KRT34: variants seen among roughly 807,000 people sequenced by gnomAD.
KRT34 encodes the protein keratin, type I cuticular Ha4.
Under a neutral mutation model 41.7 loss-of-function variants are expected in KRT34, and 31 were observed. That is an observed-to-expected ratio of 0.74 (90% CI 0.56 to 1.00). The LOEUF is 1.00. KRT34 is among the 50% of genes least tolerant of loss of function. The probability of loss-of-function intolerance (pLI) is 0.00; values close to 1 mark genes in which losing one functional copy is unlikely to be tolerated. For synonymous variants in KRT34, 224 were observed against 212.9 expected (o/e 1.05, Z -0.45); for missense variants, 523 against 500.3 (o/e 1.05, Z -0.43).
intron 3 of KRT34, 149 bp from the exon 4 acceptor site, chr17:41,379,880 A>C: frequency 1.2e-6 from 1 of 840,156 alleles, no homozygotes; most frequent in South Asian, 2.1e-5. Context: ...ATAGCAATAA[A>C]CTCCAACAGG....
chr17:41,381,188 C>A lies in KRT34; in HGVS notation c.456G>T (p.Arg152Ser). Residue 152 changes from arginine (R) to serine (S), a missense_variant, in exon 3 of 7, where the codon AGG becomes AGT. Coordinates refer to ENST00000394001, the MANE Select transcript of KRT34 (RefSeq NM_001386014.1). Reference sequence around the variant, plus strand: ...TGTTGATGTCCGACTCCACCAACAGCCTCAGGGACTGCTCCGTCTGGTACC... The same window carrying A: ...TGTTGATGTCCGACTCCACCAACAGACTCAGGGACTGCTCCGTCTGGTACC... ...RSKYQTEQSL[R>S]LLVESDINSI... The A allele has an allele frequency of 6.2e-7, 1 of 1,614,172 alleles. No homozygotes were observed. Among genetic ancestry groups the A allele is most frequent in the African/African-American group, 1.3e-5 (1 of 75,042 alleles).
In KRT34 at chr17:41,377,680, A is replaced by T. The variant is rs1233293545; in HGVS notation, c.*379T>A. On this transcript the variant is annotated 3_prime_UTR_variant, in exon 7 of 7. Transcript: ENST00000394001. ...ATGAGAAACATTTATTATGCCAGAGAAATGAAGTTTATTGGGAAGTAAATG... is the reference window on the plus strand; with the variant it reads ...ATGAGAAACATTTATTATGCCAGAGTAATGAAGTTTATTGGGAAGTAAATG... 4.7e-6 allele frequency: 1 copy of T among 210,922 alleles called. No individual in the cohort carries two copies. 13.1% of individuals were successfully genotyped at this position (210,922 alleles called of 1,614,324 possible).
At chr17:41,378,558 A>C (rs1380084018) in intron 6 of KRT34, among the ~76,000 whole-genome samples, 1 of 152,160 alleles carries the variant, frequency 6.6e-6, no homozygotes, top group South Asian at 2.1e-4. Context: ...CCCAAAGTGG[A>C]TTATAGGCAT....
chr17:41,381,320 G>T, intron 2 of KRT34, 108 bp from the exon 3 acceptor site: 3 of 1,190,214 alleles, frequency 2.5e-6, no homozygotes, highest in Non-Finnish European at 2.4e-6. Context: ...ACAGTTTTCT[G>T]CCTCTTCTCT....
chr17:41,381,863 G>C, intron 1 of KRT34, 36 bp downstream of exon 1: 2 of 1,612,970 alleles, frequency 1.2e-6, no homozygotes, highest in Non-Finnish European at 8.5e-7. Context: ...AAGAGAGCCA[G>C]CTGCTGCTGG....
intron 2 of KRT34, among the ~76,000 whole-genome samples, 183 bp downstream of exon 2, chr17:41,381,530 C>CA (rs1278362022): frequency 5.9e-5 from 9 of 151,864 alleles, no homozygotes; most frequent in Non-Finnish European, 1.2e-4. Flanking sequence ...GAAACACTTC[C>CA]AAAAAAAACC....
intron 6 of KRT34, among the ~76,000 whole-genome samples, chr17:41,378,369 T>C (rs1015484617): frequency 6.6e-6 from 1 of 152,094 alleles, no homozygotes; most frequent in African/African-American, 2.4e-5. Context: ...GAGCCAAGGC[T>C]CACTATGCCT....
chr17:41,381,691 G>C (rs148769068), intron 2 of KRT34, 22 bp downstream of exon 2: 128 of 1,607,660 alleles, frequency 8.0e-5, no homozygotes, highest in Middle Eastern at 5.0e-4. Flanking sequence ...AAGAACCATA[G>C]GGACCTTGAA....
chr17:41,383,538 T>C (rs867441951), upstream of KRT34, among the ~76,000 whole-genome samples: 24 of 152,288 alleles, frequency 1.6e-4, no homozygotes, highest in African/African-American at 5.5e-4. Flanking sequence ...GGAAACAGTC[T>C]GGAGCAGTGA....
At chr17:41,380,680 A>G (rs1460317179) in intron 3 of KRT34, among the ~76,000 whole-genome samples, 1 of 152,124 alleles carries the variant, frequency 6.6e-6, no homozygotes, top group East Asian at 1.9e-4. Context: ...TGTCTTGTTT[A>G]TATCACTGTG....
upstream of KRT34, chr17:41,382,502 T>C (rs1191521289): frequency 3.9e-6 from 3 of 772,720 alleles, no homozygotes; most frequent in Admixed American, 8.7e-5. Context: ...TCCTGGGTGC[T>C]AGTGGTTGGT....
chr17:41,381,911 C>G lies in KRT34; in HGVS notation c.336G>C (p.Glu112Asp), dbSNP rs759256671. 6.2e-7 allele frequency: 1 copy of G among 1,613,998 alleles called. No homozygotes were observed. Among genetic ancestry groups the G allele is most frequent in the South Asian group, 1.1e-5 (1 of 91,086 alleles). Reference sequence around the variant, plus strand: ...CCAACCCCCTCACCTTCTGCTGGAGCTCCTCAATGGTCTTGAAGTAGGACT... The same window carrying G: ...CCAACCCCCTCACCTTCTGCTGGAGGTCCTCAATGGTCTTGAAGTAGGACT... ...SYQSYFKTIE[E>D]LQQKILCAKA... is the part of the protein sequence containing the mutation. The change falls in exon 1 of 7, where the codon GAG (glutamate) becomes GAC (aspartate). Residue 112 changes from glutamate to aspartate, a missense_variant. By Grantham distance (45) the Glu-to-Asp change is conservative. Transcript: ENST00000394001.
chr17:41,379,466 T>G lies in KRT34; in HGVS notation c.763A>C (p.Asn255His). 1 of 1,614,236 alleles carries G rather than the reference T, an allele frequency of 6.2e-7. No homozygotes were observed. The highest frequency in any genetic ancestry group is 8.5e-7 in the Non-Finnish European group (1 of 1,180,040). Residue 255 changes from asparagine (N) to histidine (H), a missense_variant, in exon 5 of 7, where the codon AAC (asparagine) becomes CAC (histidine). Transcript: ENST00000394001. ...TCTGAGCTGGATACCACCTGCTTGT[T>G]CAGCTCCTCGGTCTGAAACACCCAA... ...QWFATQTEEL[N>H]KQVVSSSEQL... is the part of the protein sequence containing the mutation.
Position 41,378,959 on chromosome 17 carries a change from C to T in KRT34, c.1094G>A (p.Cys365Tyr), listed in dbSNP as rs2144322143. The change falls in exon 6 of 7, where the codon TGC (cysteine) becomes TAC (tyrosine). Residue 365 changes from cysteine to tyrosine, a missense_variant. Cys to Tyr is a radical substitution (Grantham distance 194). Coordinates refer to ENST00000394001, the MANE Select transcript of KRT34 (RefSeq NM_001386014.1). Reference sequence around the variant, plus strand: ...ACATTATTTGCCCCATACTCACTTGCAGTCCTCACTCTCCAGGAGGCTCCG... The same window carrying T: ...ACATTATTTGCCCCATACTCACTTGTAGTCCTCACTCTCCAGGAGGCTCCG... ...TYRSLLESED[C>Y]KLPCNPCATT... 1 of 1,614,148 alleles carries T rather than the reference C, an allele frequency of 6.2e-7. No individual in the cohort carries two copies. Among genetic ancestry groups the T allele is most frequent in the Non-Finnish European group, 8.5e-7 (1 of 1,179,986 alleles).
intron 3 of KRT34, among the ~76,000 whole-genome samples, chr17:41,380,508 C>T (rs35393404): frequency 2.6e-5 from 4 of 152,156 alleles, no homozygotes; most frequent in African/African-American, 9.7e-5. Flanking sequence ...CCCTGCCCTG[C>T]CACTTCTGTG....
Position 41,379,746 on chromosome 17 carries a change from G to C in KRT34, c.589-15C>G. 1.3e-6 allele frequency: 2 copies of C among 1,586,872 alleles called. No individual in the cohort carries two copies. Among genetic ancestry groups the C allele is most frequent in the East Asian group, 4.5e-5 (2 of 44,720 alleles). ...GTGTTAACCTCCTGTTGGAGAAAAG[G>C]GAAACAATGAACCTACGGCAATGGA... On this transcript the variant is annotated splice_polypyrimidine_tract_variant and intron_variant, in intron 3 of 6. Transcript: ENST00000394001.
chr17:41,378,538 A>C (rs931012062), intron 6 of KRT34, among the ~76,000 whole-genome samples: 19 of 152,054 alleles, frequency 1.2e-4, no homozygotes, highest in African/African-American at 4.6e-4. Context: ...TGATCCACCC[A>C]CCTCAACCTC....
In KRT34 at chr17:41,382,142, G is replaced by A. The variant is rs1190284879; in HGVS notation, c.105C>T (p.Cys35=). ...SCHGYTLPGA[C]NIPANVSNCN... is the part of the protein sequence containing the mutation. ...AGTTGCTCACATTGGCGGGGATGTT[G>A]CAGGCCCCAGGCAGGGTGTAGCCGT... Residue 35 remains cysteine, a synonymous_variant, in exon 1 of 7, where the codon TGC becomes TGT. Transcript: ENST00000394001. The A allele has an allele frequency of 1.2e-6, 2 of 1,612,430 alleles. No homozygotes were observed. Among genetic ancestry groups the A allele is most frequent in the Non-Finnish European group, 1.7e-6 (2 of 1,180,032 alleles).
chr17:41,383,220 T>C (rs2018032231), upstream of KRT34, among the ~76,000 whole-genome samples: 2 of 152,286 alleles, frequency 1.3e-5, no homozygotes, highest in South Asian at 2.1e-4. Context: ...GGTTTCACCA[T>C]GTTGGCCAGG....
Sources: gnomAD v4.1 joint callset for allele counts (sites outside exome capture counted in the v4.1 genomes callset) on GRCh38, gnomAD v4.1.1 for gene constraint, MANE v1.5 for transcripts, NCBI Gene and HGNC (gene_info 2026-07-23, HGNC 2026-07-21) for gene names.